NLGN4Y: variants seen among roughly 807,000 people sequenced by gnomAD.
The protein encoded by NLGN4Y is neuroligin-4, Y-linked.
Under a neutral mutation model 8.4 loss-of-function variants are expected in NLGN4Y, and 4 were observed. The observed-to-expected ratio is 0.48, with a 90% CI of 0.23 to 1.09. The LOEUF (loss-of-function observed/expected upper bound fraction) is 1.09, where lower values mean the gene tolerates loss of function less well. Ranked by LOEUF, NLGN4Y falls within the 50% of genes least tolerant of loss-of-function variation. NLGN4Y has a pLI of 0.19. For synonymous variants in NLGN4Y, 35 were observed against 75.6 expected (o/e 0.46, Z 2.78); for missense variants, 90 against 192.3 (o/e 0.47, Z 3.15).
chrY:14,674,152 A>G (rs769450877), intron 2 of NLGN4Y, among the ~76,000 whole-genome samples: 192 of 29,814 alleles, frequency 6.4e-3, no homozygotes, highest in Non-Finnish European at 0.011. Context: ...AACCTGCACA[A>G]TGTGCACATG....
chrY:14,574,788 G>C, intron 1 of NLGN4Y, among the ~76,000 whole-genome samples: 1 of 33,332 alleles, frequency 3.0e-5, no homozygotes, highest in Non-Finnish European at 7.4e-5. Flanking sequence ...CAGGCCTGGT[G>C]GTGACAAAAT....
intron 2 of NLGN4Y, among the ~76,000 whole-genome samples, chrY:14,629,869 A>C (rs1239838880): frequency 3.0e-5 from 1 of 33,649 alleles, no homozygotes; most frequent in Non-Finnish European, 7.3e-5. Flanking sequence ...ACTGTCCAAA[A>C]TATTTTTGAG....
chrY:14,834,148 T>C (rs2150598741), intron 6 of NLGN4Y, among the ~76,000 whole-genome samples: 1 of 33,422 alleles, frequency 3.0e-5, no homozygotes, highest in East Asian at 7.9e-4. Flanking sequence ...AGAATACCAG[T>C]GATCTCTCTG....
intron 4 of NLGN4Y, among the ~76,000 whole-genome samples, chrY:14,817,599 G>T: frequency 3.0e-5 from 1 of 33,291 alleles, no homozygotes; most frequent in Non-Finnish European, 7.4e-5. Flanking sequence ...CTTCCAAACT[G>T]GTAGCGAAAA....
intron 4 of NLGN4Y, among the ~76,000 whole-genome samples, chrY:14,753,589 G>T (rs2081049079): frequency 3.3e-5 from 1 of 30,476 alleles, no homozygotes; most frequent in South Asian, 7.0e-4. Flanking sequence ...ATACATAAAA[G>T]ATATGACTTT....
At chrY:14,607,788 A>G in intron 1 of NLGN4Y, among the ~76,000 whole-genome samples, 1 of 34,258 alleles carries the variant, frequency 2.9e-5, no homozygotes, top group Non-Finnish European at 7.3e-5. Flanking sequence ...TAGATCCTTG[A>G]GGAATCGCGA....
intron 2 of NLGN4Y, among the ~76,000 whole-genome samples, chrY:14,649,685 A>T: frequency 2.9e-5 from 1 of 33,994 alleles, no homozygotes; most frequent in African/African-American, 1.1e-4. Flanking sequence ...GTCAATCACA[A>T]TGTGGATGGT....
chrY:14,824,988 C>A (rs953731721), intron 5 of NLGN4Y, among the ~76,000 whole-genome samples: 1 of 33,737 alleles, frequency 3.0e-5, no homozygotes, highest in Non-Finnish European at 7.4e-5. Context: ...GGAAGAGAGA[C>A]AGTACGTCAA....
chrY:14,525,938 G>C (rs1603498845), intron 1 of NLGN4Y, among the ~76,000 whole-genome samples: 2 of 33,618 alleles, frequency 5.9e-5, no homozygotes, highest in African/African-American at 1.2e-4. Context: ...GGAATTGCCA[G>C]TTTGTGTGGT....
Position 14,730,987 on chromosome Y carries a change from ATGTGTGTGTGTG to A in NLGN4Y, c.685+7752_685+7763del, listed in dbSNP as rs1248863150. On this transcript the variant is annotated intron_variant, in intron 4 of 6. Coordinates refer to ENST00000684976, the MANE Select transcript of NLGN4Y (RefSeq NM_001365588.1). ...ACTACTGGGATTGCTGAACCAAATT[ATGTGTGTGTGTG>A]TGTGTGTGTGTGTGTGTGTGTGTGT... Among the ~76,000 whole-genome samples, 21 of 15,731 alleles carry A rather than the reference ATGTGTGTGTGTG, an allele frequency of 1.3e-3. No individual in the cohort carries two copies. In the East Asian group the frequency reaches 0.037, roughly 27 times the overall value. 42.2% of individuals were successfully genotyped at this position (15,731 alleles called of 37,273 possible).
At chrY:14,565,364 C>T (rs2080247833) in intron 1 of NLGN4Y, among the ~76,000 whole-genome samples, 2 of 30,887 alleles carry the variant, frequency 6.5e-5, no homozygotes, top group African/African-American at 2.5e-4. Flanking sequence ...ACGAGAATTT[C>T]GTGAAGCATA....
intron 1 of NLGN4Y, among the ~76,000 whole-genome samples, chrY:14,618,098 G>A (rs757742111): frequency 4.0e-5 from 1 of 25,212 alleles, no homozygotes; most frequent in Non-Finnish European, 9.0e-5. Flanking sequence ...CCAGGGGAAT[G>A]AAAGGTTCTG....
chrY:14,532,657 T>C, intron 1 of NLGN4Y, among the ~76,000 whole-genome samples: 1 of 33,307 alleles, frequency 3.0e-5, no homozygotes, highest in Non-Finnish European at 7.4e-5. Flanking sequence ...TAAAAAATCC[T>C]GCCTATGTGT....
At chrY:14,720,540 C>A in intron 3 of NLGN4Y, among the ~76,000 whole-genome samples, 1 of 33,107 alleles carries the variant, frequency 3.0e-5, no homozygotes, top group Admixed American at 2.8e-4. Context: ...GTATGGAATT[C>A]TATTTATTTT....
chrY:14,548,098 T>G, intron 1 of NLGN4Y, among the ~76,000 whole-genome samples: 1 of 32,876 alleles, frequency 3.0e-5, no homozygotes, highest in African/African-American at 1.2e-4. Flanking sequence ...AATTTAGAGA[T>G]TATTGTTTTT....
intron 2 of NLGN4Y, among the ~76,000 whole-genome samples, chrY:14,710,814 A>G (rs2080896895): frequency 2.9e-5 from 1 of 33,965 alleles, no homozygotes; most frequent in South Asian, 6.5e-4. Flanking sequence ...CATCAAAGTG[A>G]CAAATATATT....
At chrY:14,740,758 T>C (rs2081003989) in intron 4 of NLGN4Y, among the ~76,000 whole-genome samples, 1 of 34,023 alleles carries the variant, frequency 2.9e-5, no homozygotes, top group Non-Finnish European at 7.3e-5. Context: ...CATTCAAACT[T>C]AGTTTTTTAA....
intron 1 of NLGN4Y, among the ~76,000 whole-genome samples, chrY:14,540,804 C>T (rs369174439): frequency 9.5e-3 from 316 of 33,271 alleles, no homozygotes; most frequent in South Asian, 0.036. Context: ...TGAAGGTCAC[C>T]AACATCAAAA....
At chrY:14,711,790 C>G in intron 2 of NLGN4Y, among the ~76,000 whole-genome samples, 1 of 32,556 alleles carries the variant, frequency 3.1e-5, no homozygotes, top group Non-Finnish European at 7.5e-5. Context: ...TTAAGCCTCC[C>G]AGGGAGGTGT....
Sources: gnomAD v4.1 joint callset for allele counts (sites outside exome capture counted in the v4.1 genomes callset) on GRCh38, gnomAD v4.1.1 for gene constraint, MANE v1.5 for transcripts, NCBI Gene and HGNC (gene_info 2026-07-23, HGNC 2026-07-21) for gene names.